Variants in CDCP1 observed in about 807,000 individuals in gnomAD.
CDCP1 encodes the protein CUB domain containing protein 1.
A neutral mutation model predicts 60.2 loss-of-function variants in CDCP1; 29 were observed. The ratio of observed to expected loss-of-function variants is 0.48; its 90% confidence interval spans 0.36 to 0.66. CDCP1 has a LOEUF of 0.66. Ranked by LOEUF, CDCP1 falls within the 30% of genes least tolerant of loss-of-function variation. The pLI is 0.00. For missense variants in CDCP1, 876 were observed against 1,074.3 expected, an observed-to-expected ratio of 0.82 and a Z score of 2.58; for synonymous variants, 387 against 431.1, an observed-to-expected ratio of 0.90 and a Z score of 1.27.
chr3:45,093,331 G>A lies in CDCP1; in HGVS notation c.1573C>T (p.Gln525Ter), dbSNP rs745451429. Residue 525 changes from glutamine to a stop codon, truncating the protein, a stop_gained, in exon 6 of 9, where the codon CAA becomes TAA. Coordinates refer to ENST00000296129, the MANE Select transcript of CDCP1 (RefSeq NM_022842.5). LOFTEE classifies it high-confidence loss of function. The part of the protein sequence containing the change: ...VTLRTFAPSF[Q>*]QEASRQGLTV... The stretch of plus-strand genomic sequence containing the variant: ...AGACCCTGCCTGGAGGCCTCTTGTT[G>A]GAAGCTGGGGGCAAAGGTGCGAAGG... 1.9e-6 allele frequency: 3 copies of A among 1,614,048 alleles called. No individual in the cohort carries two copies. Among genetic ancestry groups the A allele is most frequent in the Non-Finnish European group, 2.5e-6 (3 of 1,180,034 alleles).
intron 1 of CDCP1, among the ~76,000 whole-genome samples, chr3:45,135,368 G>A (rs774337679): frequency 6.6e-6 from 1 of 151,968 alleles, no homozygotes; most frequent in Non-Finnish European, 1.5e-5. Flanking sequence ...AGCACTTTCT[G>A]CATTCCTTCC....
chr3:45,105,364 A>C (rs1698544910), intron 4 of CDCP1, among the ~76,000 whole-genome samples: 2 of 152,204 alleles, frequency 1.3e-5, no homozygotes, highest in Non-Finnish European at 2.9e-5. Context: ...AGAAGCAAAA[A>C]CAAATCCAAT....
rs752926248 is a variant in CDCP1 at position 45,093,457 on chromosome 3, G to C, written c.1447C>G (p.Leu483Val). The change falls in exon 6 of 9, where the codon CTC becomes GTC. Residue 483 changes from leucine (L) to valine (V), a missense_variant. Coordinates refer to ENST00000296129, the MANE Select transcript of CDCP1 (RefSeq NM_022842.5). ...EKPCNTSFSY[L>V]VASAIPSQDL... Reference sequence around the variant, plus strand: ...TGGCTGGGTATGGCACTGGCCACGAGGTAGCTGAAGCTGGTGTTGCAGGGC... The same window carrying C: ...TGGCTGGGTATGGCACTGGCCACGACGTAGCTGAAGCTGGTGTTGCAGGGC... 7 of 1,613,992 alleles carry C rather than the reference G, an allele frequency of 4.3e-6. No homozygotes were observed. The highest frequency in any genetic ancestry group is 1.3e-5 in the African/African-American group (1 of 74,936).
chr3:45,144,748 T>A (rs1206788690), intron 1 of CDCP1, among the ~76,000 whole-genome samples: 3 of 152,238 alleles, frequency 2.0e-5, no homozygotes, highest in Admixed American at 6.5e-5. Flanking sequence ...GGCACGCATT[T>A]TTCTCAGCAC....
At chr3:45,113,345 A>G (rs1698731200) in intron 2 of CDCP1, among the ~76,000 whole-genome samples, 1 of 152,222 alleles carries the variant, frequency 6.6e-6, no homozygotes, top group Non-Finnish European at 1.5e-5. Flanking sequence ...CCTTTGATAT[A>G]TTTGTTTCCT....
rs112021480 is a variant in CDCP1, at chr3:45,120,153, G to C, written c.83-1532C>G. Among the ~76,000 whole-genome samples the C allele has an allele frequency of 6.2e-3, 947 of 152,308 alleles. 12 individuals carry two copies. The highest frequency in any genetic ancestry group is 0.021 in the African/African-American group (882 of 41,564). ...TGCTATAATTTTACCATAACTGCTAGCCTGCACAAGACTGGATGTACTTCT... is the reference window on the plus strand; with the variant it reads ...TGCTATAATTTTACCATAACTGCTACCCTGCACAAGACTGGATGTACTTCT... On this transcript the variant is annotated intron_variant, in intron 1 of 8. Coordinates refer to ENST00000296129, the MANE Select transcript of CDCP1 (RefSeq NM_022842.5).
At chr3:45,133,526 G>A (rs1199807140) in intron 1 of CDCP1, among the ~76,000 whole-genome samples, 1 of 732 alleles carries the variant, frequency 1.4e-3, no homozygotes. Context: ...AGACCATCCT[G>A]GCTAACACGG....
chr3:45,119,466 T>C (rs763346009), intron 1 of CDCP1, among the ~76,000 whole-genome samples: 45 of 152,108 alleles, frequency 3.0e-4, no homozygotes, highest in Non-Finnish European at 6.2e-4. Flanking sequence ...TCCGGGCAGC[T>C]GATGGCCTGG....
chr3:45,085,836 G>A lies in CDCP1; in HGVS notation c.2313C>T (p.Val771=), dbSNP rs1485525025. Residue 771 remains valine, a synonymous_variant, in exon 9 of 9, where the codon GTC becomes GTT. Coordinates refer to ENST00000296129, the MANE Select transcript of CDCP1 (RefSeq NM_022842.5). This position sits in a 1 kb window ranked among gnomAD's most constrained non-coding sequence, Gnocchi z 4.2. ...TYRPFQGTMG[V]CPPSPPTICS... is the part of the protein sequence containing the mutation. ...ATATGGTGGGTGGGGAGGGAGGACA[G>A]ACCCCCATGGTGCCCTGGAACGGCC... The A allele has an allele frequency of 3.1e-6, 5 of 1,614,048 alleles. No individual in the cohort carries two copies. The East Asian group carries it at 6.7e-5, about 22-fold the overall frequency.
chr3:45,134,525 C>T (rs1309066898), intron 1 of CDCP1, among the ~76,000 whole-genome samples: 1 of 152,190 alleles, frequency 6.6e-6, no homozygotes, highest in Non-Finnish European at 1.5e-5. Context: ...GCCAGGGCAG[C>T]CAACCAGAAA....
At chr3:45,141,208 A>AC (rs1699284093) in intron 1 of CDCP1, among the ~76,000 whole-genome samples, 1 of 152,110 alleles carries the variant, frequency 6.6e-6, no homozygotes, top group Non-Finnish European at 1.5e-5. Context: ...CTCAAAAAAA[A>AC]AAAGAATGTC....
At chr3:45,117,753 C>T (rs961659606) in intron 2 of CDCP1, among the ~76,000 whole-genome samples, 3 of 152,144 alleles carry the variant, frequency 2.0e-5, no homozygotes, top group South Asian at 2.1e-4. Context: ...CCTGCCACCA[C>T]CCCTGGCTAA....
intron 1 of CDCP1, among the ~76,000 whole-genome samples, chr3:45,126,273 CT>C (rs990674069): frequency 4.0e-4 from 53 of 131,814 alleles, no homozygotes; most frequent in African/African-American, 1.5e-3. Context: ...CTCTCTGTTT[CT>C]TTTTTTTGTC....
intron 1 of CDCP1, among the ~76,000 whole-genome samples, chr3:45,143,402 T>C (rs1643758695): frequency 1.3e-5 from 2 of 152,212 alleles, no homozygotes. Flanking sequence ...TTAAAATTGA[T>C]ACAAGCAGCT....
At chr3:45,124,238 C>T (rs927563943) in intron 1 of CDCP1, among the ~76,000 whole-genome samples, 2 of 152,188 alleles carry the variant, frequency 1.3e-5, no homozygotes, top group Non-Finnish European at 2.9e-5. Flanking sequence ...GGAGGGAATT[C>T]CAGGTGATAA....
At chr3:45,140,732 A>AT (rs1699274776) in intron 1 of CDCP1, among the ~76,000 whole-genome samples, 1 of 152,266 alleles carries the variant, frequency 6.6e-6, no homozygotes, top group Non-Finnish European at 1.5e-5. Context: ...TCAGGAGAAA[A>AT]TAGCTTCATT....
intron 2 of CDCP1, among the ~76,000 whole-genome samples, chr3:45,117,954 G>A (rs112805529): frequency 2.2e-3 from 339 of 152,196 alleles, no homozygotes; most frequent in African/African-American, 7.7e-3. Context: ...GAACCACCAC[G>A]CCCGGCCTCT....
chr3:45,138,722 G>A (rs958962608), intron 1 of CDCP1, among the ~76,000 whole-genome samples: 22 of 152,178 alleles, frequency 1.4e-4, no homozygotes, highest in Admixed American at 2.0e-4. Flanking sequence ...GGTGGCAGGC[G>A]CCTGTAATCC....
At chr3:45,120,242 T>C (rs1362487781) in intron 1 of CDCP1, among the ~76,000 whole-genome samples, 2 of 150,232 alleles carry the variant, frequency 1.3e-5, no homozygotes, top group African/African-American at 4.9e-5. Flanking sequence ...GATCACACAT[T>C]TGGATTTCTG....
Sources: gnomAD v4.1 joint callset for allele counts (sites outside exome capture counted in the v4.1 genomes callset) on GRCh38, gnomAD v4.1.1 for gene constraint, Gnocchi (gnomAD v3.1) non-coding constraint, MANE v1.5 for transcripts, NCBI Gene and HGNC (gene_info 2026-07-23, HGNC 2026-07-21) for gene names.